MCTP2: variants seen among roughly 807,000 people sequenced by gnomAD.
The protein encoded by MCTP2 is multiple C2 and transmembrane domain containing 2.
MCTP2 carries 132 observed loss-of-function variants against 111.6 expected under a neutral mutation model. That is an observed-to-expected ratio of 1.18 (90% confidence interval 1.03 to 1.37). The LOEUF (loss-of-function observed/expected upper bound fraction) is 1.37. Ranked by LOEUF, MCTP2 falls within the 40% of genes most tolerant of loss-of-function variation. The pLI is 0.00. For synonymous variants in MCTP2, 395 were observed against 387.7 expected (o/e 1.02, Z -0.22); for missense variants, 1,183 against 1,067.9 (o/e 1.11, Z -1.50).
chr15:94,409,867 CT>C (rs1158856855), intron 17 of MCTP2, among the ~76,000 whole-genome samples: 1 of 150,180 alleles, frequency 6.7e-6, no homozygotes, highest in African/African-American at 2.5e-5. Flanking sequence ...CTCACCCTTC[CT>C]TTCCCCCTCC....
chr15:94,423,401 AT>A (rs2082718732), intron 17 of MCTP2, among the ~76,000 whole-genome samples: 1 of 152,208 alleles, frequency 6.6e-6, no homozygotes, highest in Non-Finnish European at 1.5e-5. Context: ...ACACCTGTAA[AT>A]AAATATTTAC....
intron 17 of MCTP2, among the ~76,000 whole-genome samples, chr15:94,425,334 T>G (rs1336754601): frequency 6.6e-6 from 1 of 152,190 alleles, no homozygotes; most frequent in East Asian, 1.9e-4. Flanking sequence ...TATTTAGGTT[T>G]AGCACAGTTC....
At chr15:94,314,433 T>C in intron 3 of MCTP2, 89 bp downstream of exon 3, 1 of 951,676 alleles carries the variant, frequency 1.1e-6, no homozygotes, top group Non-Finnish European at 1.5e-6. Context: ...CCTCTTTTAT[T>C]GCTAAAAAAA....
chr15:94,265,232 C>T (rs773600863), intron 1 of MCTP2, among the ~76,000 whole-genome samples: 4 of 152,118 alleles, frequency 2.6e-5, no homozygotes, highest in Admixed American at 6.5e-5. Context: ...AAGAACTCTG[C>T]GTTTGCCCTT....
intron 1 of MCTP2, among the ~76,000 whole-genome samples, chr15:94,242,393 G>A (rs553492684): frequency 1.3e-5 from 2 of 152,260 alleles, no homozygotes; most frequent in South Asian, 2.1e-4. Flanking sequence ...AAGGAAAAGA[G>A]GGAGTCTGGA....
chr15:94,318,908 G>A (rs1348528963), intron 4 of MCTP2, among the ~76,000 whole-genome samples: 1 of 152,186 alleles, frequency 6.6e-6, no homozygotes, highest in Non-Finnish European at 1.5e-5. Flanking sequence ...AAAACATCAT[G>A]TGAGAATTTG....
chr15:94,320,154 T>G (rs2076562339), intron 4 of MCTP2, among the ~76,000 whole-genome samples: 1 of 137,962 alleles, frequency 7.2e-6, no homozygotes, highest in Admixed American at 7.5e-5. Context: ...TTTTTTTTTT[T>G]TTTTTTGAGA....
chr15:94,364,673 A>C (rs999286932), intron 10 of MCTP2, among the ~76,000 whole-genome samples: 1 of 152,192 alleles, frequency 6.6e-6, no homozygotes, highest in Non-Finnish European at 1.5e-5. Context: ...AGGTTGGATG[A>C]ATATTTTGGT....
At position 94,298,428 on chromosome 15, in the gene MCTP2, C is replaced by G. The variant is rs267604393; in HGVS notation, c.163C>G (p.Leu55Val). The G allele has an allele frequency of 1.2e-6, 2 of 1,614,210 alleles. No individual in the cohort carries two copies. Among genetic ancestry groups the G allele is most frequent in the East Asian group, 4.5e-5 (2 of 44,876 alleles). Residue 55 changes from leucine (L) to valine (V), a missense_variant, in exon 2 of 23, where the codon CTC becomes GTC. Coordinates refer to ENST00000357742, the MANE Select transcript of MCTP2 (RefSeq NM_001385001.1). ...DRRLSLSVPD[L>V]LEAEALAPEG... ...CCGTCTCAGCCTCTCTGTGCCTGATCTCCTGGAGGCTGAGGCCTTGGCCCC... is the reference window on the plus strand; with the variant it reads ...CCGTCTCAGCCTCTCTGTGCCTGATGTCCTGGAGGCTGAGGCCTTGGCCCC...
chr15:94,447,308 C>G (rs553854804), intron 19 of MCTP2, among the ~76,000 whole-genome samples: 36 of 152,298 alleles, frequency 2.4e-4, no homozygotes, highest in African/African-American at 8.4e-4. Flanking sequence ...CCAGAGAAAA[C>G]TGATGTTCAT....
At chr15:94,231,956 G>A (rs1344990871) in intron 1 of MCTP2, 1 of 152,208 alleles carries the variant, frequency 6.6e-6, no homozygotes, top group South Asian at 2.1e-4. Context: ...CAGTCTCCCC[G>A]GGGCGCTACG....
chr15:94,451,380 C>A (rs1596759293), intron 19 of MCTP2, among the ~76,000 whole-genome samples: 1 of 152,290 alleles, frequency 6.6e-6, no homozygotes, highest in African/African-American at 2.4e-5. Flanking sequence ...ACAAAGTAGA[C>A]CCCTAAAGCA....
chr15:94,279,496 A>G (rs1026884517), intron 1 of MCTP2, among the ~76,000 whole-genome samples: 9 of 151,960 alleles, frequency 5.9e-5, no homozygotes, highest in Admixed American at 4.6e-4. Context: ...TTGTTTATCA[A>G]TTCTAGGAGG....
chr15:94,275,343 T>C (rs1483821913), intron 1 of MCTP2, among the ~76,000 whole-genome samples: 2 of 152,140 alleles, frequency 1.3e-5, no homozygotes, highest in Non-Finnish European at 2.9e-5. Flanking sequence ...GTGATCAGGT[T>C]GTACAGATAC....
Position 94,351,787 on chromosome 15 carries a change from A to G in MCTP2, c.1006-4350A>G, listed in dbSNP as rs530032896. On this transcript the variant is annotated intron_variant, in intron 8 of 22. Coordinates refer to ENST00000357742, the MANE Select transcript of MCTP2 (RefSeq NM_001385001.1). The stretch of plus-strand genomic sequence containing the variant: ...AATTATCCCGTGGGTATTGCTTGGC[A>G]TCGTCAGTTCTGGAGTGCCACCTAG... 3.3e-4 allele frequency among the ~76,000 whole-genome samples: 50 copies of G among 152,204 alleles called. 1 individual carries two copies. The highest frequency in any genetic ancestry group is 6.2e-4 in the Non-Finnish European group (42 of 68,032).
At chr15:94,319,879 G>A (rs1345497675) in intron 4 of MCTP2, among the ~76,000 whole-genome samples, 1 of 152,090 alleles carries the variant, frequency 6.6e-6, no homozygotes, top group Non-Finnish European at 1.5e-5. Flanking sequence ...ACAATATTTA[G>A]TCTTTATAAC....
chr15:94,374,861 C>T (rs934250766), intron 12 of MCTP2, among the ~76,000 whole-genome samples: 3 of 152,166 alleles, frequency 2.0e-5, no homozygotes, highest in East Asian at 1.9e-4. Flanking sequence ...CAGCCCTCCA[C>T]GCCTAGCTCG....
chr15:94,349,798 C>G (rs2078201607), intron 8 of MCTP2, among the ~76,000 whole-genome samples: 3 of 122,526 alleles, frequency 2.4e-5, no homozygotes, highest in Admixed American at 1.0e-4. Context: ...CCAGCCTGGG[C>G]AACACAGCGG....
At chr15:94,337,665 C>T (rs1038500346) in intron 4 of MCTP2, among the ~76,000 whole-genome samples, 12 of 121,482 alleles carry the variant, frequency 9.9e-5, no homozygotes, top group South Asian at 5.3e-4. Flanking sequence ...GGCCCGAACA[C>T]GGTGTGTGTG....
Sources: gnomAD v4.1 joint callset for allele counts (sites outside exome capture counted in the v4.1 genomes callset) on GRCh38, gnomAD v4.1.1 for gene constraint, MANE v1.5 for transcripts, NCBI Gene and HGNC (gene_info 2026-07-23, HGNC 2026-07-21) for gene names.